The following ANKDD1B variants were observed in gnomAD, a reference collection of about 807,000 sequenced individuals.
The protein encoded by ANKDD1B is ankyrin repeat and death domain containing 1B, also known as ankyrin repeat and death domain-containing protein 1B.
Under a neutral mutation model 59.7 loss-of-function variants are expected in ANKDD1B, and 57 were observed. The observed-to-expected ratio is 0.95, with a 90% CI of 0.77 to 1.19. The LOEUF (loss-of-function observed/expected upper bound fraction) is 1.19, where lower values mean the gene tolerates loss of function less well. ANKDD1B is among the 50% of genes most tolerant of loss of function. The pLI, the probability that ANKDD1B is intolerant of heterozygous loss-of-function variation, is 0.00. For synonymous variants in ANKDD1B, 216 were observed against 239.5 expected, an observed-to-expected ratio of 0.90 and a Z score of 0.91; for missense variants, 602 against 641.9, an observed-to-expected ratio of 0.94 and a Z score of 0.67.
intron 5 of ANKDD1B, among the ~76,000 whole-genome samples, chr5:75,630,741 G>A (rs572864844): frequency 3.3e-5 from 5 of 152,304 alleles, no homozygotes; most frequent in South Asian, 2.1e-4. Flanking sequence ...TATTAACTTC[G>A]AACTAAAGAG....
Position 75,616,918 on chromosome 5 carries a change from G to T in ANKDD1B, c.297+11G>T. On this transcript the variant is annotated intron_variant, in intron 2 of 13. Transcript: ENST00000601380. ...AATGTTGTGAACAATGTGAGTAGAA[G>T]TCATAAATATGACAAGTGACTTCTC... 1 of 1,334,848 alleles carries T rather than the reference G, an allele frequency of 7.5e-7. No individual in the cohort carries two copies. The highest frequency in any genetic ancestry group is 1.0e-6 in the Non-Finnish European group (1 of 970,630). 82.7% of individuals were successfully genotyped at this position (1,334,848 alleles called of 1,614,324 possible). A position where few individuals can be genotyped will look rare whatever the true frequency, so the allele number is the denominator to read the frequency against.
chr5:75,629,356 G>T (rs1774084318), intron 5 of ANKDD1B, among the ~76,000 whole-genome samples: 1 of 151,882 alleles, frequency 6.6e-6, no homozygotes, highest in Non-Finnish European at 1.5e-5. Context: ...CCTGATCCCG[G>T]GGTGATGGGA....
intron 5 of ANKDD1B, among the ~76,000 whole-genome samples, chr5:75,627,402 C>T (rs1461121912): frequency 6.6e-6 from 1 of 152,112 alleles, no homozygotes; most frequent in Non-Finnish European, 1.5e-5. Context: ...ATTCCATAAC[C>T]CCCTTTCGTT....
intron 7 of ANKDD1B, among the ~76,000 whole-genome samples, chr5:75,651,416 A>G (rs1044217059): frequency 1.3e-5 from 2 of 152,250 alleles, no homozygotes; most frequent in Non-Finnish European, 2.9e-5. Flanking sequence ...GAGTGCCAGG[A>G]GCAGACCATC....
chr5:75,665,579 G>A (rs1775284207), intron 11 of ANKDD1B, among the ~76,000 whole-genome samples: 1 of 152,188 alleles, frequency 6.6e-6, no homozygotes, highest in African/African-American at 2.4e-5. Context: ...GGTTGGAGAA[G>A]ACCCTGCTTT....
chr5:75,618,938 G>T (rs1418875208), intron 2 of ANKDD1B, among the ~76,000 whole-genome samples: 1 of 152,112 alleles, frequency 6.6e-6, no homozygotes, highest in Non-Finnish European at 1.5e-5. Flanking sequence ...TAGTTACAGG[G>T]TTTCACCATG....
intron 1 of ANKDD1B, among the ~76,000 whole-genome samples, chr5:75,615,212 G>A (rs1467906024): frequency 1.3e-5 from 2 of 152,156 alleles, no homozygotes; most frequent in African/African-American, 4.8e-5. Flanking sequence ...ATGAGAAGTT[G>A]TGGTCAAAGA....
intron 9 of ANKDD1B, among the ~76,000 whole-genome samples, chr5:75,656,771 C>G (rs1774990267): frequency 1.3e-5 from 2 of 152,206 alleles, no homozygotes; most frequent in Non-Finnish European, 2.9e-5. Flanking sequence ...GAAGAGGAGC[C>G]TTTCCAGGGT....
intron 7 of ANKDD1B, among the ~76,000 whole-genome samples, chr5:75,639,293 T>A (rs554493816): frequency 1.3e-5 from 2 of 152,186 alleles, no homozygotes; most frequent in South Asian, 4.1e-4. Flanking sequence ...GCCTCCCAGG[T>A]TCAAGTGACT....
At chr5:75,661,414 A>AAG (rs1775144037) in intron 10 of ANKDD1B, among the ~76,000 whole-genome samples, 2 of 131,478 alleles carry the variant, frequency 1.5e-5, no homozygotes, top group South Asian at 2.7e-4. Context: ...AAAAAAAAAA[A>AAG]AAAAAAAAAA....
At chr5:75,620,525 A>C (rs1358917916) in intron 3 of ANKDD1B, 112 bp downstream of exon 3, 1 of 627,588 alleles carries the variant, frequency 1.6e-6, no homozygotes, top group African/African-American at 1.8e-5. Context: ...TTTAATTGGC[A>C]GTGTTCGTTT....
intron 1 of ANKDD1B, among the ~76,000 whole-genome samples, chr5:75,613,343 G>C (rs1254447524): frequency 2.6e-5 from 4 of 152,196 alleles, no homozygotes; most frequent in Non-Finnish European, 2.9e-5. Flanking sequence ...CCACTGGAGA[G>C]AGATTAAGTG....
At chr5:75,663,580 C>A in intron 11 of ANKDD1B, 91 bp downstream of exon 11, 1 of 1,017,822 alleles carries the variant, frequency 9.8e-7, no homozygotes, top group Non-Finnish European at 1.5e-6. Flanking sequence ...CCATTCTTTG[C>A]TCTAATGAGC....
In ANKDD1B at chr5:75,669,249, C is replaced by T; in HGVS notation, c.1394-3C>T. 2 of 1,232,080 alleles carry T rather than the reference C, an allele frequency of 1.6e-6. No homozygotes were observed. The highest frequency in any genetic ancestry group is 1.6e-5 in the African/African-American group (1 of 64,510). The allele number at this position is 1,232,080 out of a possible 1,614,324, so 76.3% of individuals were successfully genotyped here. ...TACCTCGGACCTCTTGTGCTTGGCA[C>T]AGGAAATGAAAGCTTCCGTGAACAT... On this transcript the variant is annotated splice_region_variant and splice_polypyrimidine_tract_variant and intron_variant, in intron 12 of 13. Coordinates refer to ENST00000601380, the MANE Select transcript of ANKDD1B (RefSeq NM_001276713.2).
intron 5 of ANKDD1B, among the ~76,000 whole-genome samples, chr5:75,632,529 A>C (rs1341180446): frequency 1.3e-5 from 2 of 152,206 alleles, no homozygotes; most frequent in East Asian, 3.8e-4. Context: ...CCCTGAACCA[A>C]GCACTGTGGC....
At chr5:75,627,357 A>G (rs543245256) in intron 5 of ANKDD1B, among the ~76,000 whole-genome samples, 24 of 152,186 alleles carry the variant, frequency 1.6e-4, no homozygotes, top group Non-Finnish European at 3.2e-4. Flanking sequence ...AATCTTATGT[A>G]AAAGTACCTA....
intron 8 of ANKDD1B, among the ~76,000 whole-genome samples, chr5:75,654,918 C>T (rs1173250231): frequency 3.3e-5 from 5 of 152,192 alleles, no homozygotes; most frequent in Admixed American, 1.3e-4. Context: ...TGCTGTCACA[C>T]CCCTGTCCAC....
At chr5:75,612,142 T>C (rs74426762) in intron 1 of ANKDD1B, among the ~76,000 whole-genome samples, 2,151 of 152,322 alleles carry the variant, frequency 0.014, 54 homozygotes, top group African/African-American at 0.05. Flanking sequence ...ATCTCCTATA[T>C]CGTGACTCAT....
At chr5:75,635,935 G>A in intron 7 of ANKDD1B, 53 bp downstream of exon 7, 1 of 1,171,916 alleles carries the variant, frequency 8.5e-7, no homozygotes, top group Non-Finnish European at 1.2e-6. Context: ...AAGGGTTGGA[G>A]GAATGGCTTT....
Sources: allele counts gnomAD v4.1 joint callset (sites outside exome capture counted in the v4.1 genomes callset), GRCh38; gene constraint gnomAD v4.1.1; transcripts MANE v1.5; gene names NCBI Gene and HGNC (gene_info 2026-07-23, HGNC 2026-07-21).